The following SLC25A26 variants were observed in gnomAD, a reference collection of about 807,000 sequenced individuals.
SLC25A26 encodes solute carrier family 25 member 26.
In SLC25A26, 36 loss-of-function variants were observed where a neutral mutation model predicts 37.8. The observed-to-expected ratio is 0.95, with a 90% CI of 0.73 to 1.26. The LOEUF (loss-of-function observed/expected upper bound fraction) is 1.26. Among genes scored for constraint, SLC25A26 ranks in the 50% most tolerant of loss-of-function variants. The pLI is 0.00. For missense variants in SLC25A26, 390 were observed against 331.1 expected (o/e 1.18, Z -1.38); for synonymous variants, 129 against 122.5 (o/e 1.05, Z -0.35).
chr3:66,336,436 A>G (rs2076093909), intron 5 of SLC25A26, among the ~76,000 whole-genome samples: 1 of 152,190 alleles, frequency 6.6e-6, no homozygotes, highest in African/African-American at 2.4e-5. Context: ...CTCAGCTGCA[A>G]GAAAAAAATC....
chr3:66,227,494 G>A (rs1281780877), intron 1 of SLC25A26, among the ~76,000 whole-genome samples: 4 of 152,166 alleles, frequency 2.6e-5, no homozygotes, highest in Admixed American at 2.6e-4. Flanking sequence ...ATTGTATTGT[G>A]ATTTGTGGAC....
At chr3:66,209,413 G>GTA (rs1309890987) in intron 1 of SLC25A26, among the ~76,000 whole-genome samples, 1 of 136,066 alleles carries the variant, frequency 7.3e-6, no homozygotes, top group Admixed American at 7.9e-5. Flanking sequence ...ATGTGTATAT[G>GTA]TATATATATC....
At chr3:66,343,066 G>C (rs941553622) in intron 5 of SLC25A26, among the ~76,000 whole-genome samples, 1 of 152,128 alleles carries the variant, frequency 6.6e-6, no homozygotes, top group Non-Finnish European at 1.5e-5. Flanking sequence ...CATCTGTTTG[G>C]GGGTATAAAA....
chr3:66,273,188 G>A (rs964367960), intron 5 of SLC25A26, among the ~76,000 whole-genome samples: 9 of 152,002 alleles, frequency 5.9e-5, no homozygotes, highest in South Asian at 2.1e-4. Context: ...TGCTGGATTC[G>A]GTTTGCCAGT....
At chr3:66,160,446 G>A (rs540620117) in intron 1 of SLC25A26, among the ~76,000 whole-genome samples, 58 of 152,116 alleles carry the variant, frequency 3.8e-4, no homozygotes, top group Non-Finnish European at 7.2e-4. Context: ...GATCAATTCC[G>A]TTAAAATAAA....
chr3:66,137,257 G>C (rs1316206370), intron 1 of SLC25A26, among the ~76,000 whole-genome samples: 12 of 103,510 alleles, frequency 1.2e-4, no homozygotes, highest in African/African-American at 4.6e-4. Context: ...TTTTGCTCTT[G>C]TCGCCCGAGC....
chr3:66,292,009 A>T (rs1438739574), intron 5 of SLC25A26, among the ~76,000 whole-genome samples: 1 of 138,500 alleles, frequency 7.2e-6, no homozygotes, highest in African/African-American at 3.5e-5. Context: ...TGTATTTAGG[A>T]TAGTTAGCTC....
At chr3:66,234,977 C>G (rs951275766) in intron 1 of SLC25A26, among the ~76,000 whole-genome samples, 5 of 152,136 alleles carry the variant, frequency 3.3e-5, no homozygotes, top group Non-Finnish European at 5.9e-5. Context: ...AATGCCTCTG[C>G]CTGCCTGCTG....
chr3:66,189,808 T>A (rs2070902026), intron 1 of SLC25A26, among the ~76,000 whole-genome samples: 2 of 151,884 alleles, frequency 1.3e-5, no homozygotes, highest in East Asian at 3.9e-4. Flanking sequence ...ACTACAGGCA[T>A]GCACCACCAC....
intron 7 of SLC25A26, among the ~76,000 whole-genome samples, chr3:66,365,213 C>T (rs2076798944): frequency 6.6e-6 from 1 of 152,158 alleles, no homozygotes; most frequent in Non-Finnish European, 1.5e-5. Flanking sequence ...GAAACTTGCC[C>T]TCAAATCAGA....
At chr3:66,165,840 G>C (rs375082767) in intron 1 of SLC25A26, among the ~76,000 whole-genome samples, 3 of 151,956 alleles carry the variant, frequency 2.0e-5, no homozygotes, top group African/African-American at 7.3e-5. Context: ...AGGAGTCCAG[G>C]TGTCCAACAT....
intron 5 of SLC25A26, among the ~76,000 whole-genome samples, chr3:66,340,032 G>A (rs967844902): frequency 6.7e-6 from 1 of 150,240 alleles, no homozygotes. Flanking sequence ...TTTTTATATA[G>A]GGTTATGAGG....
intron 5 of SLC25A26, among the ~76,000 whole-genome samples, chr3:66,278,434 C>T (rs565226142): frequency 6.6e-6 from 1 of 151,914 alleles, no homozygotes; most frequent in Admixed American, 6.6e-5. Context: ...CTAGAGGTAG[C>T]CTTTATTTTT....
At chr3:66,277,028 C>G (rs961316493) in intron 5 of SLC25A26, among the ~76,000 whole-genome samples, 17 of 150,672 alleles carry the variant, frequency 1.1e-4, no homozygotes, top group Admixed American at 2.7e-4. Flanking sequence ...ATCAAGATAC[C>G]TGAATGGATA....
chr3:66,181,698 T>A (rs1210825562), intron 1 of SLC25A26, among the ~76,000 whole-genome samples: 1 of 150,636 alleles, frequency 6.6e-6, no homozygotes, highest in Admixed American at 6.6e-5. Flanking sequence ...CAAATCCAGA[T>A]CCCCTGACTC....
intron 6 of SLC25A26, among the ~76,000 whole-genome samples, chr3:66,356,251 A>T (rs567674271): frequency 1.3e-5 from 2 of 152,328 alleles, no homozygotes; most frequent in South Asian, 4.1e-4. Flanking sequence ...CAGCCACTTC[A>T]TAGTATTGTG....
intron 3 of SLC25A26, among the ~76,000 whole-genome samples, chr3:66,253,704 A>T (rs1333735034): frequency 3.9e-5 from 6 of 152,162 alleles, no homozygotes. Flanking sequence ...TAATAAGCTT[A>T]TGTTTTAAGC....
intron 4 of SLC25A26, 105 bp downstream of exon 4, chr3:66,262,260 C>A: frequency 3.7e-6 from 2 of 544,274 alleles, no homozygotes; most frequent in South Asian, 3.7e-5. Flanking sequence ...AACTTTAGAG[C>A]TAAATTTAAT....
intron 5 of SLC25A26, among the ~76,000 whole-genome samples, chr3:66,318,650 TA>T (rs534523811): frequency 0.011 from 1,583 of 149,824 alleles, 27 homozygotes; most frequent in African/African-American, 0.035. Context: ...TTTTATTTAT[TA>T]AAAAAAAAAT....
Sources: gnomAD v4.1 joint callset for allele counts (sites outside exome capture counted in the v4.1 genomes callset) on GRCh38, gnomAD v4.1.1 for gene constraint, MANE v1.5 for transcripts, NCBI Gene and HGNC (gene_info 2026-07-23, HGNC 2026-07-21) for gene names.